The following CCNA2 variants were observed in gnomAD, a reference collection of about 807,000 sequenced individuals.
The protein encoded by CCNA2 is cyclin-A2.
Under a neutral mutation model 49.4 loss-of-function variants are expected in CCNA2, and 3 were observed. The ratio of observed to expected loss-of-function variants is 0.06; its 90% CI spans 0.03 to 0.16. The LOEUF (loss-of-function observed/expected upper bound fraction) is 0.16. Ranked by LOEUF, CCNA2 falls within the 10% of genes least tolerant of loss-of-function variation. CCNA2 has a pLI of 1.00. For synonymous variants in CCNA2, 206 were observed against 197.2 expected, an observed-to-expected ratio of 1.04 and a Z score of -0.37; for missense variants, 372 against 519.7, an observed-to-expected ratio of 0.72 and a Z score of 2.76.
In CCNA2 at chr4:121,818,842, A is replaced by G; in HGVS notation, c.1074T>C (p.Ala358=). The G allele has an allele frequency of 6.2e-7, 1 of 1,613,936 alleles. No homozygotes were observed. Among genetic ancestry groups the G allele is most frequent in the Non-Finnish European group, 8.5e-7 (1 of 1,179,802 alleles). ...LKYLPSVIAG[A]AFHLALYTVT... ...CTGTGTAGAGTGCTAAATGAAAGGC[A>G]GCTCCAGCAATAACTGATGGCAAAT... The change falls in exon 6 of 8, where the codon GCT becomes GCC. Residue 358 remains alanine, a synonymous_variant. Transcript: ENST00000274026.
Position 121,818,812 on chromosome 4 carries a change from C to G in CCNA2, c.1104G>C (p.Thr368=). Residue 368 remains threonine (T), a synonymous_variant, in exon 6 of 8, where the codon ACG becomes ACC. Coordinates refer to ENST00000274026, the MANE Select transcript of CCNA2 (RefSeq NM_001237.5). ...AAFHLALYTV[T]GQSWPESLIR... ...CCGTAATACATACCCAGCTTTGTCC[C>G]GTGACTGTGTAGAGTGCTAAATGAA... 6.2e-7 allele frequency: 1 copy of G among 1,608,032 alleles called. No individual in the cohort carries two copies. The highest frequency in any genetic ancestry group is 2.2e-5 in the East Asian group (1 of 44,844).
At chr4:121,819,300 T>G in intron 5 of CCNA2, 72 bp downstream of exon 5, 1 of 1,167,420 alleles carries the variant, frequency 8.6e-7, no homozygotes, top group Non-Finnish European at 1.3e-6. Context: ...TAGGTTCCTT[T>G]ACAAAGGAAT....
intron 5 of CCNA2, 39 bp from the exon 6 acceptor site, chr4:121,818,952 G>T: frequency 7.6e-7 from 1 of 1,318,212 alleles, no homozygotes; most frequent in Non-Finnish European, 1.1e-6. Flanking sequence ...AGAGCGTTTA[G>T]AATTCAAATG....
At chr4:121,819,940 T>G (rs1285211424) in intron 4 of CCNA2, among the ~76,000 whole-genome samples, 1 of 126,068 alleles carries the variant, frequency 7.9e-6, no homozygotes, top group Non-Finnish European at 1.8e-5. Flanking sequence ...TTTTTCTTTC[T>G]TTTTTTTTTT....
chr4:121,822,354 T>A, intron 2 of CCNA2, 49 bp downstream of exon 2: 1 of 1,557,480 alleles, frequency 6.4e-7, no homozygotes, highest in Non-Finnish European at 8.8e-7. Context: ...TAATATCATC[T>A]AATAATTATA....
Position 121,816,602 on chromosome 4 carries a change from G to T in CCNA2, c.*1036C>A. The T allele has an allele frequency of 1.2e-6, 1 of 820,906 alleles. No individual in the cohort carries two copies. Among genetic ancestry groups the T allele is most frequent in the African/African-American group, 1.8e-5 (1 of 56,298 alleles). 50.9% of individuals were successfully genotyped at this position (820,906 alleles called of 1,614,324 possible). ...ATCTGTTCTGTGATTTTTTTACCTT[G>T]TGATTTATAAAAATTAGGACCTAAA... On this transcript the variant is annotated 3_prime_UTR_variant, in exon 8 of 8. Transcript: ENST00000274026.
chr4:121,818,250 T>C, intron 6 of CCNA2, 73 bp from the exon 7 acceptor site: 1 of 1,357,952 alleles, frequency 7.4e-7, no homozygotes, highest in East Asian at 2.4e-5. Flanking sequence ...ATAGTTGGCA[T>C]TAAGCTTATG....
rs764430823 is a variant in CCNA2, at chr4:121,823,500, T to C, written c.129A>G (p.Gln43=). The C allele has an allele frequency of 2.2e-5, 35 of 1,613,246 alleles. No individual in the cohort carries two copies. The highest frequency in any genetic ancestry group is 1.7e-4 in the African/African-American group (13 of 75,012). ...CCGCCAGCGCGGCCCGGGTCCGCGGTTGTTGGACGGGCGCTGCCTTTTCCG... is the reference window on the plus strand; with the variant it reads ...CCGCCAGCGCGGCCCGGGTCCGCGGCTGTTGGACGGGCGCTGCCTTTTCCG... ...INPEKAAPVQ[Q]PRTRAALAVL... is the part of the protein sequence containing the mutation. The change falls in exon 1 of 8, where the codon CAA becomes CAG. Residue 43 remains glutamine, a synonymous_variant. Transcript: ENST00000274026.
chr4:121,822,432 G>C lies in CCNA2; in HGVS notation c.428C>G (p.Pro143Arg), dbSNP rs1322473172. Residue 143 changes from proline (P) to arginine (R), a missense_variant, in exon 2 of 8, where the codon CCT (proline) becomes CGT (arginine). Coordinates refer to ENST00000274026, the MANE Select transcript of CCNA2 (RefSeq NM_001237.5). Reference protein sequence around the residue: ...SLPGPRKPLVPLDYPMDGSFE... With the variant: ...SLPGPRKPLVRLDYPMDGSFE... ...ACTACCATCCATTGGATAATCAAGA[G>C]GGACCAATGGTTTTCTGGGTCCAGG... 6 of 1,613,956 alleles carry C rather than the reference G, an allele frequency of 3.7e-6. No homozygotes were observed. The highest frequency in any genetic ancestry group is 5.1e-6 in the Non-Finnish European group (6 of 1,179,846).
At chr4:121,819,966 A>G (rs1365107796) in intron 4 of CCNA2, among the ~76,000 whole-genome samples, 1 of 144,410 alleles carries the variant, frequency 6.9e-6, no homozygotes, top group African/African-American at 2.5e-5. Flanking sequence ...TTGAGACAAG[A>G]GTCTTGCTCT....
chr4:121,817,710 A>G (rs756423881), intron 7 of CCNA2, 24 bp from the exon 8 acceptor site: 1 of 1,613,436 alleles, frequency 6.2e-7, no homozygotes, highest in Non-Finnish European at 8.5e-7. Context: ...AAAAAAAAGC[A>G]TTTTTAGTAA....
rs748868039 is a variant in CCNA2, at chr4:121,822,631, C to T, written c.229G>A (p.Asp77Asn). The change falls in exon 2 of 8, where the codon GAT becomes AAT. Residue 77 changes from aspartate to asparagine, a missense_variant. Around this residue, in one of 2 missense-constraint regions of CCNA2, gnomAD observed 217 missense variants for 231.7 expected, o/e 0.94. Transcript: ENST00000274026. ...ACATGCTCATCATTTACAGGAAGAT[C>T]CTTAAGGGGTGCAACCTAAAAAAAA... ...PKTRRVAPLKDLPVNDEHVTV... is the reference protein window; with the variant it reads ...PKTRRVAPLKNLPVNDEHVTV... 6 of 1,613,450 alleles carry T rather than the reference C, an allele frequency of 3.7e-6. No individual in the cohort carries two copies. In the East Asian group the frequency reaches 1.3e-4, roughly 36 times the overall value.
Position 121,819,522 on chromosome 4 carries a change from A to G in CCNA2, c.852T>C (p.Asp284=), listed in dbSNP as rs1724636190. 6.2e-7 allele frequency: 1 copy of G among 1,613,904 alleles called. No homozygotes were observed. The highest frequency in any genetic ancestry group is 8.5e-7 in the Non-Finnish European group (1 of 1,179,782). ...EVAEFVYITD[D]TYTKKQVLRM... ...TCAGAACTTGTTTCTTGGTGTAGGT[A>G]TCATCTGTAATGTACACAAACTCTG... Residue 284 remains aspartate, a synonymous_variant, in exon 5 of 8, where the codon GAT becomes GAC. Transcript: ENST00000274026.
Position 121,823,579 on chromosome 4 carries a change from G to T in CCNA2, c.50C>A (p.Ala17Glu). The T allele has an allele frequency of 6.2e-7, 1 of 1,607,112 alleles. No individual in the cohort carries two copies. ...PGPATREAGS[A>E]LLALQQTALQ... is the part of the protein sequence containing the mutation. ...CGCCGTCTGCTGCAATGCTAGCAGC[G>T]CCGAGCCCGCCTCGCGGGTCGCAGG... The change falls in exon 1 of 8, where the codon GCG becomes GAG. Residue 17 changes from alanine to glutamate, a missense_variant. Physicochemically the swap from Ala to Glu is moderately radical, Grantham distance 107. Around this residue, in one of 2 missense-constraint regions of CCNA2, gnomAD observed 217 missense variants for 231.7 expected, o/e 0.94. Coordinates refer to ENST00000274026, the MANE Select transcript of CCNA2 (RefSeq NM_001237.5).
In CCNA2 at chr4:121,818,814, T is replaced by C. The variant is rs773046506; in HGVS notation, c.1102A>G (p.Thr368Ala). The change falls in exon 6 of 8, where the codon ACG (threonine) becomes GCG (alanine). Residue 368 changes from threonine (T) to alanine (A), a missense_variant. By Grantham distance (58) the Thr-to-Ala change is moderately conservative (BLOSUM62 0). This residue lies in a region of CCNA2 where 155 missense variants were observed against 288.1 expected (regional missense o/e 0.54). Coordinates refer to ENST00000274026, the MANE Select transcript of CCNA2 (RefSeq NM_001237.5). ...AAFHLALYTV[T>A]GQSWPESLIR... is the part of the protein sequence containing the mutation. ...GTAATACATACCCAGCTTTGTCCCG[T>C]GACTGTGTAGAGTGCTAAATGAAAG... 1 of 1,609,544 alleles carries C rather than the reference T, an allele frequency of 6.2e-7. No individual in the cohort carries two copies. The highest frequency in any genetic ancestry group is 1.7e-5 in the Admixed American group (1 of 60,008).
In CCNA2 at chr4:121,819,525, A is replaced by C; in HGVS notation, c.849T>G (p.Asp283Glu). ...GAACTTGTTTCTTGGTGTAGGTATC[A>C]TCTGTAATGTACACAAACTCTGCTA... ...PEVAEFVYIT[D>E]DTYTKKQVLR... is the part of the protein sequence containing the mutation. Residue 283 changes from aspartate to glutamate, a missense_variant, in exon 5 of 8, where the codon GAT becomes GAG. Asp to Glu is a conservative substitution (Grantham distance 45). Transcript: ENST00000274026. 1 of 1,613,992 alleles carries C rather than the reference A, an allele frequency of 6.2e-7. No individual in the cohort carries two copies.
chr4:121,818,678 A>C, intron 6 of CCNA2, 122 bp downstream of exon 6: 1 of 656,304 alleles, frequency 1.5e-6, no homozygotes, highest in Non-Finnish European at 2.7e-6. Context: ...TCAACTATAT[A>C]TATTTGAAGT....
At chr4:121,822,354 T>C in intron 2 of CCNA2, 49 bp downstream of exon 2, 1 of 1,557,480 alleles carries the variant, frequency 6.4e-7, no homozygotes, top group Non-Finnish European at 8.8e-7. Flanking sequence ...TAATATCATC[T>C]AATAATTATA....
chr4:121,818,163 T>A lies in CCNA2; in HGVS notation c.1131A>T (p.Ile377=). The change falls in exon 7 of 8, where the codon ATA becomes ATT. Residue 377 remains isoleucine, a synonymous_variant. Transcript: ENST00000274026. The stretch of plus-strand genomic sequence containing the variant: ...TTTCCAGGGTATATCCAGTCTTTCG[T>A]ATTAATGATTCAGGCTACAGAGAAG... ...VTGQSWPESL[I]RKTGYTLESL... 6.2e-7 allele frequency: 1 copy of A among 1,613,436 alleles called. No homozygotes were observed.
Sources: gnomAD v4.1 joint callset for allele counts (sites outside exome capture counted in the v4.1 genomes callset) on GRCh38, gnomAD v4.1.1 for gene constraint, gnomAD v4.1.1 regional missense constraint, MANE v1.5 for transcripts, NCBI Gene and HGNC (gene_info 2026-07-23, HGNC 2026-07-21) for gene names.